Variants in PCDH15 observed in about 807,000 individuals in gnomAD.
PCDH15 encodes protocadherin-15.
PCDH15 carries 129 observed loss-of-function variants against 178.5 expected under a neutral mutation model. That is an observed-to-expected ratio of 0.72 (90% CI 0.63 to 0.84). The LOEUF is 0.84. PCDH15 is among the 40% of genes least tolerant of loss of function. PCDH15 has a pLI of 0.00. For synonymous variants in PCDH15, 800 were observed against 732.0 expected (o/e 1.09, Z -1.50); for missense variants, 2,230 against 2,099.9 (o/e 1.06, Z -1.21).
intron 2 of PCDH15, among the ~76,000 whole-genome samples, chr10:55,031,894 C>T (rs185471717): frequency 9.8e-4 from 149 of 151,982 alleles, no homozygotes; most frequent in Non-Finnish European, 1.4e-3. Flanking sequence ...CCAGTCTGTA[C>T]ACACACACAC....
intron 2 of PCDH15, among the ~76,000 whole-genome samples, chr10:55,159,440 T>C (rs2132111429): frequency 7.0e-6 from 1 of 142,678 alleles, no homozygotes; most frequent in African/African-American, 2.5e-5. Context: ...TATCTACCTA[T>C]ACATACACTA....
intron 1 of PCDH15, among the ~76,000 whole-genome samples, chr10:55,173,894 G>A (rs1312883683): frequency 6.6e-6 from 1 of 151,794 alleles, no homozygotes; most frequent in Admixed American, 6.6e-5. Context: ...TACATTTAAT[G>A]TATATGAAAT....
intron 2 of PCDH15, among the ~76,000 whole-genome samples, chr10:55,077,888 T>C (rs1445381902): frequency 6.6e-6 from 1 of 152,100 alleles, no homozygotes; most frequent in Non-Finnish European, 1.5e-5. Context: ...TTTTCTCTTC[T>C]TTATTTGTGT....
chr10:54,688,686 A>T (rs2095060098), intron 1 of PCDH15, among the ~76,000 whole-genome samples: 1 of 152,136 alleles, frequency 6.6e-6, no homozygotes, highest in South Asian at 2.1e-4. Context: ...TGATTCACAG[A>T]TAAGCTTCAC....
intron 3 of PCDH15, among the ~76,000 whole-genome samples, chr10:54,869,616 A>T: frequency 6.6e-6 from 1 of 152,232 alleles, no homozygotes; most frequent in East Asian, 1.9e-4. Flanking sequence ...TTCCTCATGT[A>T]AAATGAGAAT....
chr10:55,302,645 C>G (rs990469322), intron 1 of PCDH15, among the ~76,000 whole-genome samples: 1 of 152,144 alleles, frequency 6.6e-6, no homozygotes, highest in Non-Finnish European at 1.5e-5. Flanking sequence ...TACTCAAACT[C>G]TGCTGATTTA....
chr10:54,738,112 T>G (rs559327167), intron 1 of PCDH15, among the ~76,000 whole-genome samples: 1 of 152,132 alleles, frequency 6.6e-6, no homozygotes, highest in African/African-American at 2.4e-5. Flanking sequence ...TTAGAGACTG[T>G]TATGAGGATG....
intron 2 of PCDH15, among the ~76,000 whole-genome samples, chr10:54,565,316 A>T (rs1166773284): frequency 2.6e-5 from 4 of 152,156 alleles, no homozygotes; most frequent in Non-Finnish European, 5.9e-5. Context: ...GACTCCAATC[A>T]CATCCAGCTA....
chr10:54,184,348 G>A (rs1020751508), intron 12 of PCDH15, among the ~76,000 whole-genome samples: 15 of 151,748 alleles, frequency 9.9e-5, no homozygotes, highest in African/African-American at 3.6e-4. Context: ...TCTTTCTCCT[G>A]TGACTGATTC....
chr10:55,497,486 G>C (rs1840560990), intron 2 of PCDH15, among the ~76,000 whole-genome samples: 1 of 151,684 alleles, frequency 6.6e-6, no homozygotes, highest in Non-Finnish European at 1.5e-5. Context: ...TTACTTTTCT[G>C]TAAGTAATAA....
intron 2 of PCDH15, among the ~76,000 whole-genome samples, chr10:54,592,344 C>T (rs903502704): frequency 4.0e-5 from 6 of 151,388 alleles, no homozygotes; most frequent in Non-Finnish European, 8.8e-5. Context: ...TTTCTTCCTT[C>T]GACTTCCTTC....
intron 2 of PCDH15, among the ~76,000 whole-genome samples, chr10:55,607,996 T>C (rs994028509): frequency 6.6e-6 from 1 of 151,942 alleles, no homozygotes; most frequent in African/African-American, 2.4e-5. Context: ...GAGTCATTTA[T>C]AAAAATATCC....
chr10:55,506,347 G>T (rs1045545677), intron 2 of PCDH15: 2 of 151,438 alleles, frequency 1.3e-5, no homozygotes, highest in African/African-American at 4.8e-5. Context: ...CTATTGAATA[G>T]ATAGCTATAG....
chr10:55,490,492 C>G (rs2132127519), intron 2 of PCDH15, among the ~76,000 whole-genome samples: 1 of 151,890 alleles, frequency 6.6e-6, no homozygotes, highest in Non-Finnish European at 1.5e-5. Context: ...TTTTGAGTAT[C>G]CACTAGCCAG....
chr10:55,204,530 G>C (rs1197924734), intron 1 of PCDH15, among the ~76,000 whole-genome samples: 1 of 113,160 alleles, frequency 8.8e-6, no homozygotes, highest in South Asian at 2.5e-4. Context: ...ACTATACCTT[G>C]TCCATATAAA....
At chr10:55,374,084 T>TATAATAATAATA (rs71461295) in intron 2 of PCDH15, among the ~76,000 whole-genome samples, 35 of 143,960 alleles carry the variant, frequency 2.4e-4, no homozygotes, top group Non-Finnish European at 3.3e-4. Context: ...GAACTTAAAG[T>TATAATAATAATA]ATAATAATAA....
chr10:54,249,483 T>G (rs1442163643), intron 8 of PCDH15, among the ~76,000 whole-genome samples: 1 of 152,230 alleles, frequency 6.6e-6, no homozygotes, highest in Admixed American at 6.5e-5. Context: ...GTGTCTTGCC[T>G]GTTCATTTAC....
chr10:54,771,533 G>T (rs2133269797), intron 1 of PCDH15, among the ~76,000 whole-genome samples: 1 of 152,030 alleles, frequency 6.6e-6, no homozygotes, highest in African/African-American at 2.4e-5. Context: ...AAAATATACA[G>T]CTTTATTTAT....
At chr10:54,069,380 G>A (rs997138267) in intron 17 of PCDH15, among the ~76,000 whole-genome samples, 2 of 152,138 alleles carry the variant, frequency 1.3e-5, no homozygotes, top group African/African-American at 4.8e-5. Flanking sequence ...AATACAACCA[G>A]ATCACTAAGT....
Sources: allele counts gnomAD v4.1 joint callset (sites outside exome capture counted in the v4.1 genomes callset), GRCh38; gene constraint gnomAD v4.1.1; transcripts MANE v1.5; gene names NCBI Gene and HGNC (gene_info 2026-07-23, HGNC 2026-07-21).